The following ADGRF1 variants were observed in gnomAD, a reference collection of about 807,000 sequenced individuals.
The protein encoded by ADGRF1 is adhesion G protein-coupled receptor F1, also known as G protein-coupled receptor 110.
Under a neutral mutation model 87.2 loss-of-function variants are expected in ADGRF1, and 85 were observed. That is an observed-to-expected ratio of 0.97 (90% CI 0.82 to 1.17). The LOEUF (loss-of-function observed/expected upper bound fraction) is 1.17, where lower values mean the gene tolerates loss of function less well. Among genes scored for constraint, ADGRF1 ranks in the 50% most tolerant of loss-of-function variants. The pLI, the probability that ADGRF1 is intolerant of heterozygous loss-of-function variation, is 0.00. For synonymous variants in ADGRF1, 430 were observed against 408.8 expected (o/e 1.05, Z -0.63); for missense variants, 1,169 against 1,077.2 (o/e 1.09, Z -1.19).
rs529990841 is a variant in ADGRF1, at chr6:47,026,003, C to A, written c.128G>T (p.Gly43Val). 1.9e-6 allele frequency: 3 copies of A among 1,571,784 alleles called. No homozygotes were observed. The highest frequency in any genetic ancestry group is 2.3e-5 in the South Asian group (2 of 86,954). The change falls in exon 4 of 15, where the codon GGC becomes GTC. Residue 43 changes from glycine (G) to valine (V), a missense_variant and splice_region_variant. By Grantham distance (109) the Gly-to-Val change is moderately radical. Transcript: ENST00000371253. ...ELIVNKKKHL[G>V]PVEEYQLLLQ... ...CAGCAGCTGATATTCTTCGACTGGG[C>A]CTAAAGAGAGAAAGAGAGTCAGAAA...
chr6:47,015,415 ATT>A (rs574535696), intron 8 of ADGRF1, among the ~76,000 whole-genome samples: 1 of 145,690 alleles, frequency 6.9e-6, no homozygotes, highest in Non-Finnish European at 1.5e-5. Context: ...AAGGGCTATG[ATT>A]TTTTTTTTTT....
chr6:47,009,389 C>T lies in ADGRF1; in HGVS notation c.2046G>A (p.Leu682=). 6.2e-7 allele frequency: 1 copy of T among 1,613,976 alleles called. No individual in the cohort carries two copies. Among genetic ancestry groups the T allele is most frequent in the Non-Finnish European group, 8.5e-7 (1 of 1,179,980 alleles). The part of the protein sequence containing the change: ...FFWMLMLGIL[L]AYRIILVFHH... ...GGAACACGAGGATGATCCGGTAAGCCAGCAGGATGCCAAGCATGAGCATCC... is the reference window on the plus strand; with the variant it reads ...GGAACACGAGGATGATCCGGTAAGCTAGCAGGATGCCAAGCATGAGCATCC... The change falls in exon 11 of 15, where the codon CTG becomes CTA. Residue 682 remains leucine, a synonymous_variant. Coordinates refer to ENST00000371253, the MANE Select transcript of ADGRF1 (RefSeq NM_153840.4).
intron 7 of ADGRF1, chr6:47,018,071 G>A (rs1435419079): frequency 1.4e-5 from 3 of 208,044 alleles, no homozygotes; most frequent in East Asian, 2.7e-4. Context: ...AGGTTAGGAA[G>A]GGGAGAGTCA....
intron 1 of ADGRF1, among the ~76,000 whole-genome samples, chr6:47,041,646 T>C (rs1780745338): frequency 6.6e-6 from 1 of 152,232 alleles, no homozygotes; most frequent in South Asian, 2.1e-4. Flanking sequence ...GGTTAGTCAA[T>C]TCTAGGGTTT....
rs756957489 is a variant in ADGRF1 at position 47,020,775 on chromosome 6, A to T, written c.567T>A (p.Tyr189Ter). 122 of 1,613,420 alleles carry T rather than the reference A, an allele frequency of 7.6e-5. No homozygotes were observed. Among genetic ancestry groups the T allele is most frequent in the Non-Finnish European group, 9.7e-5 (115 of 1,179,506 alleles). The change falls in exon 7 of 15, where the codon TAT becomes TAA. Residue 189 changes from tyrosine (Y) to a stop codon, truncating the protein, a stop_gained. Transcript: ENST00000371253. LOFTEE classifies it high-confidence loss of function. ...CCGACTCAAAACCTTGAATTCTTTC[A>T]TATGCTTTTTTAAGCTTAGAAAGAG... Reference protein sequence around the residue: ...NGIEIQLKKAYERIQGFESVQ... With the variant: ...NGIEIQLKKA
At chr6:47,004,855 T>C (rs1453054940) in intron 13 of ADGRF1, among the ~76,000 whole-genome samples, 2 of 152,186 alleles carry the variant, frequency 1.3e-5, no homozygotes, top group African/African-American at 4.8e-5. Context: ...ACACAGTCAA[T>C]TGGTTACGGA....
At chr6:47,037,960 A>C (rs1780636641) in intron 1 of ADGRF1, among the ~76,000 whole-genome samples, 1 of 152,194 alleles carries the variant, frequency 6.6e-6, no homozygotes, top group Admixed American at 6.5e-5. Flanking sequence ...TCCTGGGTTC[A>C]AGTGATTCTC....
chr6:47,010,348 G>C, intron 10 of ADGRF1, 30 bp from the exon 11 acceptor site: 1 of 1,548,980 alleles, frequency 6.5e-7, no homozygotes, highest in Non-Finnish European at 8.7e-7. Context: ...GTCAGTTTGT[G>C]TTTTTGAGTA....
intron 1 of ADGRF1, among the ~76,000 whole-genome samples, chr6:47,031,331 TTCTCTCTC>T (rs368788829): frequency 1.6e-5 from 2 of 128,254 alleles, no homozygotes; most frequent in African/African-American, 2.9e-5. Flanking sequence ...TCTCTCTCTC[TTCTCTCTC>T]TCTCTCTCTC....
At chr6:47,000,623 C>A (rs1779336039) in intron 14 of ADGRF1, among the ~76,000 whole-genome samples, 1 of 152,086 alleles carries the variant, frequency 6.6e-6, no homozygotes, top group Non-Finnish European at 1.5e-5. Context: ...AGATGAGGAA[C>A]AAATGTCCCC....
chr6:47,018,536 G>T (rs1315175207), intron 7 of ADGRF1: 1 of 1,289,620 alleles, frequency 7.8e-7, no homozygotes, highest in Admixed American at 2.3e-5. Context: ...CTTGTTATAG[G>T]TTTGATTTAG....
At chr6:47,035,185 T>C (rs1780552029) in intron 1 of ADGRF1, among the ~76,000 whole-genome samples, 1 of 152,170 alleles carries the variant, frequency 6.6e-6, no homozygotes, top group African/African-American at 2.4e-5. Context: ...CGCTTGTGGT[T>C]CGGTATAGCA....
At chr6:47,037,726 TG>T (rs1469149079) in intron 1 of ADGRF1, among the ~76,000 whole-genome samples, 2 of 152,182 alleles carry the variant, frequency 1.3e-5, no homozygotes, top group Non-Finnish European at 2.9e-5. Context: ...TTGTTCACAC[TG>T]GCCTTGAACT....
At chr6:47,001,955 A>G (rs1779376240) in intron 13 of ADGRF1, 1 of 190,980 alleles carries the variant, frequency 5.2e-6, no homozygotes, top group Admixed American at 5.6e-5. Context: ...GATTCTCAAC[A>G]AAGCTTTGCT....
chr6:47,009,989 C>T lies in ADGRF1; in HGVS notation c.1446G>A (p.Met482Ile). ...GAATGTTCCCCAGAGTCAACGAGGC[C>T]ATGCTGATAATAGTTTCTGGAAGGG... Reference protein sequence around the residue: ...QRSLPETIISMASLTLGNILP... With the variant: ...QRSLPETIISIASLTLGNILP... Residue 482 changes from methionine to isoleucine, a missense_variant, in exon 11 of 15, where the codon ATG (methionine) becomes ATA (isoleucine). Physicochemically the swap from Met to Ile is conservative, Grantham distance 10 (BLOSUM62 1). Transcript: ENST00000371253. 6.2e-7 allele frequency: 1 copy of T among 1,614,102 alleles called. No homozygotes were observed. The highest frequency in any genetic ancestry group is 8.5e-7 in the Non-Finnish European group (1 of 1,179,994).
intron 11 of ADGRF1, among the ~76,000 whole-genome samples, chr6:47,008,572 G>T (rs1486487590): frequency 2.6e-5 from 4 of 152,114 alleles, no homozygotes; most frequent in African/African-American, 9.7e-5. Context: ...TTGCACCCTA[G>T]GAAATTCCTT....
chr6:47,020,669 G>A (rs2113893498), intron 7 of ADGRF1, 62 bp downstream of exon 7: 1 of 1,593,696 alleles, frequency 6.3e-7, no homozygotes, highest in Admixed American at 1.7e-5. Context: ...ACAGCACTCT[G>A]CCTTTTGCAG....
At chr6:47,021,925 C>G in intron 6 of ADGRF1, 33 bp downstream of exon 6, 1 of 1,171,260 alleles carries the variant, frequency 8.5e-7, no homozygotes, top group Admixed American at 1.9e-5. Context: ...GTGTAGCAAA[C>G]GATTCCTTAT....
At chr6:47,022,911 T>C (rs768528385) in intron 5 of ADGRF1, among the ~76,000 whole-genome samples, 1 of 147,756 alleles carries the variant, frequency 6.8e-6, no homozygotes, top group Non-Finnish European at 1.5e-5. Flanking sequence ...GTTCAAGCAA[T>C]CCTCTTCCCT....
Sources: allele counts gnomAD v4.1 joint callset (sites outside exome capture counted in the v4.1 genomes callset), GRCh38; gene constraint gnomAD v4.1.1; transcripts MANE v1.5; gene names NCBI Gene and HGNC (gene_info 2026-07-23, HGNC 2026-07-21).